Variants in CAST observed in about 807,000 individuals in gnomAD.
CAST encodes calpastatin.
Under a neutral mutation model 119.6 loss-of-function variants are expected in CAST, and 76 were observed. That is an observed-to-expected ratio of 0.64 (90% CI 0.53 to 0.77). The LOEUF (loss-of-function observed/expected upper bound fraction) is 0.77. Ranked by LOEUF, CAST falls within the 30% of genes least tolerant of loss-of-function variation. CAST has a pLI of 0.00. For missense variants in CAST, 953 were observed against 946.5 expected (o/e 1.01, Z -0.09); for synonymous variants, 319 against 331.6 (o/e 0.96, Z 0.41).
the CAST span, among the ~76,000 whole-genome samples, chr5:96,468,143 C>T: frequency 6.6e-6 from 1 of 151,946 alleles, no homozygotes; most frequent in South Asian, 2.1e-4. Context: ...AAACCAAATG[C>T]TGTATGTTCT....
At chr5:96,552,905 G>A (rs1353792523) in intron 1 of CAST, among the ~76,000 whole-genome samples, 1 of 152,128 alleles carries the variant, frequency 6.6e-6, no homozygotes, top group East Asian at 1.9e-4. Context: ...TTCTGAAATT[G>A]AGGCAATAAT....
upstream of CAST, among the ~76,000 whole-genome samples, chr5:96,661,903 T>C (rs1192357428): frequency 6.6e-6 from 1 of 152,244 alleles, no homozygotes; most frequent in Non-Finnish European, 1.5e-5. Context: ...ATCCGCTTCC[T>C]TATCTAGACT....
the CAST span, among the ~76,000 whole-genome samples, chr5:96,349,139 A>ATTTTTTTTTTTTTTTTTTTTTTTTT: frequency 7.9e-4 from 71 of 89,614 alleles, 2 homozygotes; most frequent in African/African-American, 1.7e-3. Flanking sequence ...CAAGGACACT[A>ATTTTTTTTTTTTTTTTTTTTTTTTT]TTTTTTTTTT....
chr5:96,727,671 C>A, intron 6 of CAST, 141 bp downstream of exon 6: 1 of 489,310 alleles, frequency 2.0e-6, no homozygotes. Context: ...TTTTGAATGG[C>A]TGTGTACATG....
the CAST span, among the ~76,000 whole-genome samples, chr5:96,424,710 C>T: frequency 6.6e-6 from 1 of 152,090 alleles, no homozygotes; most frequent in Non-Finnish European, 1.5e-5. Flanking sequence ...TGCCTGTAAT[C>T]CCAGCACTTT....
At chr5:96,714,174 A>G (rs1358011653) in intron 3 of CAST, among the ~76,000 whole-genome samples, 1 of 152,182 alleles carries the variant, frequency 6.6e-6, no homozygotes, top group Non-Finnish European at 1.5e-5. Flanking sequence ...TGAAGTAGGT[A>G]TCTTTTTTTA....
intron 30 of CAST, 100 bp from the exon 31 acceptor site, chr5:96,771,544 C>A: frequency 3.9e-6 from 3 of 773,084 alleles, no homozygotes; most frequent in Non-Finnish European, 2.1e-6. Context: ...TTATTTTTCC[C>A]CACTGACTGC....
intron 1 of CAST, among the ~76,000 whole-genome samples, chr5:96,592,606 T>A (rs957923032): frequency 6.6e-6 from 1 of 151,958 alleles, no homozygotes; most frequent in African/African-American, 2.4e-5. Flanking sequence ...CTCTCTATAG[T>A]TTTTTTTCCA....
the CAST span, among the ~76,000 whole-genome samples, chr5:95,983,268 G>A: frequency 1.9e-4 from 29 of 152,330 alleles, no homozygotes; most frequent in East Asian, 3.9e-4. Context: ...AAGAGGGCTG[G>A]CAGTACTCTG....
At chr5:96,550,774 A>C (rs1309326740) in intron 1 of CAST, among the ~76,000 whole-genome samples, 1 of 152,254 alleles carries the variant, frequency 6.6e-6, no homozygotes, top group Non-Finnish European at 1.5e-5. Flanking sequence ...AAGCATACAC[A>C]AGCTTCAATA....
the CAST span, among the ~76,000 whole-genome samples, chr5:96,472,960 G>A: frequency 6.6e-6 from 1 of 152,246 alleles, no homozygotes; most frequent in East Asian, 1.9e-4. Context: ...GCAGCCCGAA[G>A]CATTCCTTGG....
At chr5:96,734,337 A>T (rs901143259) in intron 9 of CAST, among the ~76,000 whole-genome samples, 1 of 152,172 alleles carries the variant, frequency 6.6e-6, no homozygotes, top group Non-Finnish European at 1.5e-5. Context: ...GGGTGATGCA[A>T]TTGAATCCGA....
the CAST span, among the ~76,000 whole-genome samples, chr5:96,112,647 G>A: frequency 1.3e-5 from 2 of 152,020 alleles, no homozygotes; most frequent in Non-Finnish European, 2.9e-5. Flanking sequence ...CTTACAAATG[G>A]GTTACATCCT....
chr5:96,619,887 T>C (rs1437448265), intron 1 of CAST, among the ~76,000 whole-genome samples: 1 of 152,250 alleles, frequency 6.6e-6, no homozygotes, highest in Admixed American at 6.5e-5. Flanking sequence ...GTGGGTTACC[T>C]GACTTGAATT....
the CAST span, among the ~76,000 whole-genome samples, chr5:96,184,003 A>C: frequency 2.2e-3 from 341 of 152,344 alleles, 3 homozygotes; most frequent in African/African-American, 7.7e-3. Flanking sequence ...CATATTTTCC[A>C]AAGAAAAATG....
chr5:96,488,558 T>C, the CAST span, among the ~76,000 whole-genome samples: 2 of 152,248 alleles, frequency 1.3e-5, no homozygotes, highest in Admixed American at 6.5e-5. Flanking sequence ...TATTGTCGTG[T>C]AGCTAGTGAG....
chr5:96,729,381 C>G (rs1422925509), intron 7 of CAST, among the ~76,000 whole-genome samples, 172 bp downstream of exon 7: 1 of 152,166 alleles, frequency 6.6e-6, no homozygotes, highest in East Asian at 1.9e-4. Context: ...TTATGTGATT[C>G]TTGCTGAATT....
chr5:96,774,550 C>CTGTT lies in CAST; in HGVS notation c.*1936_*1939dup, dbSNP rs1404949871. 2.0e-6 allele frequency: 2 copies of CTGTT among 985,732 alleles called. No individual in the cohort carries two copies. The highest frequency in any genetic ancestry group is 2.4e-6 in the Non-Finnish European group (2 of 829,834). The allele number at this position is 985,732 out of a possible 1,614,324, so 61.1% of individuals were successfully genotyped here. ...GCACATTGTTGTGGCAATATTGTAT[C>CTGTT]TGTTTAGAAAATGGGCTTTTCCAAA... On this transcript the variant is annotated 3_prime_UTR_variant, in exon 32 of 32. Coordinates refer to ENST00000675179, the MANE Select transcript of CAST (RefSeq NM_001750.7).
chr5:96,354,363 TACC>T, the CAST span, among the ~76,000 whole-genome samples: 1 of 152,186 alleles, frequency 6.6e-6, no homozygotes, highest in Non-Finnish European at 1.5e-5. Flanking sequence ...AGCAGTCCCT[TACC>T]ACCCTCACCA....
Sources: gnomAD v4.1 joint callset for allele counts (sites outside exome capture counted in the v4.1 genomes callset) on GRCh38, gnomAD v4.1.1 for gene constraint, MANE v1.5 for transcripts, NCBI Gene and HGNC (gene_info 2026-07-23, HGNC 2026-07-21) for gene names.